The following ACVR1 variants were observed in gnomAD, a reference collection of about 807,000 sequenced individuals.
ACVR1 encodes activin A receptor type 1.
ACVR1 carries 38 observed loss-of-function variants against 57.1 expected under a neutral mutation model. That is an observed-to-expected ratio of 0.67 (90% CI 0.51 to 0.87). The LOEUF (loss-of-function observed/expected upper bound fraction) is 0.87, where lower values mean the gene tolerates loss of function less well. Among genes scored for constraint, ACVR1 ranks in the 40% least tolerant of loss-of-function variants. The pLI, the probability that ACVR1 is intolerant of heterozygous loss-of-function variation, is 0.00. For synonymous variants in ACVR1, 212 were observed against 228.1 expected, an observed-to-expected ratio of 0.93 and a Z score of 0.63; for missense variants, 463 against 638.2, an observed-to-expected ratio of 0.73 and a Z score of 2.96.
rs1281575126 is a variant in ACVR1, at chr2:157,778,217, T to A, written c.457A>T (p.Asn153Tyr). ...TCTCGGGGATTGAGGCGTTCTTGGT[T>A]GCGCCTTTTAAATTTTCGGAGAGCA... Reference protein sequence around the residue: ...GVALRKFKRRNQERLNPRDVE... With the variant: ...GVALRKFKRRYQERLNPRDVE... Residue 153 changes from asparagine to tyrosine, a missense_variant, in exon 5 of 11, where the codon AAC (asparagine) becomes TAC (tyrosine). Physicochemically the swap from Asn to Tyr is moderately radical, Grantham distance 143. Transcript: ENST00000434821. 6.2e-7 allele frequency: 1 copy of A among 1,613,978 alleles called. No homozygotes were observed.
intron 9 of ACVR1, among the ~76,000 whole-genome samples, chr2:157,741,569 G>C (rs1684768283): frequency 6.6e-6 from 1 of 151,448 alleles, no homozygotes; most frequent in Non-Finnish European, 1.5e-5. Flanking sequence ...AGGTTGCAGT[G>C]AGCCGAGATA....
At chr2:157,871,355 G>A (rs1470102274) in intron 1 of ACVR1, among the ~76,000 whole-genome samples, 1 of 152,140 alleles carries the variant, frequency 6.6e-6, no homozygotes, top group Non-Finnish European at 1.5e-5. Flanking sequence ...GGGGAGTGAG[G>A]GGCAATGCAG....
At chr2:157,787,093 A>G (rs1686740614) in intron 3 of ACVR1, among the ~76,000 whole-genome samples, 1 of 152,108 alleles carries the variant, frequency 6.6e-6, no homozygotes, top group Non-Finnish European at 1.5e-5. Context: ...TCTCTGAAAT[A>G]ATCCCTGTAA....
At chr2:157,817,586 C>T (rs1000091871) in intron 2 of ACVR1, among the ~76,000 whole-genome samples, 7 of 151,984 alleles carry the variant, frequency 4.6e-5, no homozygotes, top group African/African-American at 1.2e-4. Flanking sequence ...ATGTACTACT[C>T]TGGTGTGGGA....
At chr2:157,859,332 C>T (rs1256403979) in intron 1 of ACVR1, among the ~76,000 whole-genome samples, 1 of 152,164 alleles carries the variant, frequency 6.6e-6, no homozygotes, top group Non-Finnish European at 1.5e-5. Flanking sequence ...AGGAAGTTAT[C>T]CTATATGGTC....
intron 1 of ACVR1, among the ~76,000 whole-genome samples, chr2:157,869,104 A>T (rs1690032435): frequency 6.6e-6 from 1 of 152,186 alleles, no homozygotes; most frequent in Admixed American, 6.5e-5. Flanking sequence ...CTTCAAGTAT[A>T]ATCTAAATAA....
At chr2:157,797,183 G>C (rs1574076481) in intron 3 of ACVR1, among the ~76,000 whole-genome samples, 1 of 152,090 alleles carries the variant, frequency 6.6e-6, no homozygotes, top group East Asian at 1.9e-4. Flanking sequence ...TACCATATAG[G>C]ACAATGGAGA....
chr2:157,737,785 T>G (rs1490811365), intron 10 of ACVR1, 120 bp from the exon 11 acceptor site: 1 of 1,313,144 alleles, frequency 7.6e-7, no homozygotes. Context: ...ATTAGAGTTA[T>G]GTTACTGTCA....
At chr2:157,789,771 T>C (rs975238705) in intron 3 of ACVR1, among the ~76,000 whole-genome samples, 3 of 152,224 alleles carry the variant, frequency 2.0e-5, no homozygotes, top group African/African-American at 7.2e-5. Flanking sequence ...AGACACCTTG[T>C]AGAAATGACT....
At chr2:157,770,101 GTTAT>G (rs1477976816) in intron 7 of ACVR1, among the ~76,000 whole-genome samples, 1 of 152,152 alleles carries the variant, frequency 6.6e-6, no homozygotes, top group Non-Finnish European at 1.5e-5. Context: ...GCAAATTTTT[GTTAT>G]TTAAATAACG....
rs555135683 is a variant in ACVR1 at position 157,863,690 on chromosome 2, C to T, written c.-183+12106G>A. ...TCCAGCCTGGCAACAGAGCAAGACT[C>T]CATCTCAAGAAAAAAAATAAAAAGA... On this transcript the variant is annotated intron_variant, in intron 1 of 10. Coordinates refer to ENST00000434821, the MANE Select transcript of ACVR1 (RefSeq NM_001111067.4). Among the ~76,000 whole-genome samples, 263 of 151,310 alleles carry T rather than the reference C, an allele frequency of 1.7e-3. 1 individual carries two copies. Among genetic ancestry groups the T allele is most frequent in the Middle Eastern group, 0.01 (3 of 294 alleles).
At chr2:157,804,114 G>A (rs1687430355) in intron 2 of ACVR1, among the ~76,000 whole-genome samples, 1 of 152,136 alleles carries the variant, frequency 6.6e-6, no homozygotes. Flanking sequence ...ATTGGAAGAA[G>A]GAGGACCTTG....
intron 3 of ACVR1, among the ~76,000 whole-genome samples, chr2:157,787,576 T>C: frequency 6.6e-6 from 1 of 152,188 alleles, no homozygotes; most frequent in Non-Finnish European, 1.5e-5. Context: ...TCAGAAGTCA[T>C]TCCTTGTTTA....
chr2:157,876,183 G>A lies in ACVR1; in HGVS notation c.-570C>T, dbSNP rs1690289628. 6.7e-6 allele frequency among the ~76,000 whole-genome samples: 1 copy of A among 149,894 alleles called. No homozygotes were observed. Among genetic ancestry groups the A allele is most frequent in the Non-Finnish European group, 1.5e-5 (1 of 67,176 alleles). ...CAGAATAAACTTCCCGAGGCGCAGA[G>A]GCTCGGGCTGGGAGCACGACCGCGG... On this transcript the variant is annotated 5_prime_UTR_variant, in exon 1 of 11. Coordinates refer to ENST00000434821, the MANE Select transcript of ACVR1 (RefSeq NM_001111067.4).
chr2:157,804,808 ACATCAC>A (rs146842021), intron 2 of ACVR1, among the ~76,000 whole-genome samples: 199 of 152,374 alleles, frequency 1.3e-3, no homozygotes, highest in African/African-American at 4.2e-3. Flanking sequence ...AAAAACAGAC[ACATCAC>A]CAGGGTAGTA....
intron 2 of ACVR1, among the ~76,000 whole-genome samples, chr2:157,802,965 T>TC (rs1403354837): frequency 3.9e-5 from 6 of 152,058 alleles, no homozygotes; most frequent in South Asian, 2.1e-4. Context: ...TAGCATCCCT[T>TC]CCCCACCATG....
intron 1 of ACVR1, among the ~76,000 whole-genome samples, chr2:157,845,234 C>A (rs1454815301): frequency 6.6e-6 from 1 of 152,156 alleles, no homozygotes; most frequent in African/African-American, 2.4e-5. Context: ...AATTTGTCTG[C>A]GTTCTAACCT....
intron 1 of ACVR1, among the ~76,000 whole-genome samples, chr2:157,849,221 A>G (rs1376200427): frequency 6.6e-6 from 1 of 152,252 alleles, no homozygotes; most frequent in Admixed American, 6.5e-5. Flanking sequence ...AAATTACCAT[A>G]ACAGTCTCTA....
intron 3 of ACVR1, among the ~76,000 whole-genome samples, chr2:157,789,562 T>C (rs1197683395): frequency 2.0e-5 from 3 of 152,210 alleles, no homozygotes. Context: ...TCAGAAGCAT[T>C]TCCTTCCAGA....
Sources: allele counts gnomAD v4.1 joint callset (sites outside exome capture counted in the v4.1 genomes callset), GRCh38; gene constraint gnomAD v4.1.1; transcripts MANE v1.5; gene names NCBI Gene and HGNC (gene_info 2026-07-23, HGNC 2026-07-21).